Variants in DICER1 observed in about 807,000 individuals in gnomAD.
DICER1 encodes endoribonuclease Dicer.
DICER1 carries 43 observed loss-of-function variants against 194.1 expected under a neutral mutation model. The observed-to-expected ratio is 0.22, with a 90% CI of 0.17 to 0.29. The LOEUF is 0.29. Among genes scored for constraint, DICER1 ranks in the 10% least tolerant of loss-of-function variants. DICER1 has a pLI of 1.00. For synonymous variants in DICER1, 832 were observed against 820.5 expected (o/e 1.01, Z -0.24); for missense variants, 1,608 against 2,317.0 (o/e 0.69, Z 6.28).
At chr14:95,149,071 A>AG (rs1895335431) in intron 1 of DICER1, among the ~76,000 whole-genome samples, 1 of 152,176 alleles carries the variant, frequency 6.6e-6, no homozygotes, top group South Asian at 2.1e-4. Flanking sequence ...CTACAGGCAC[A>AG]TACTTTACTC....
At chr14:95,156,762 C>A (rs1233837696) in intron 1 of DICER1, among the ~76,000 whole-genome samples, 1 of 152,182 alleles carries the variant, frequency 6.6e-6, no homozygotes, top group Non-Finnish European at 1.5e-5. Context: ...ACCGAGAGCC[C>A]AGCTTCGTCC....
At chr14:95,104,240 CT>C (rs1357150419) in intron 20 of DICER1, 114 bp from the exon 21 acceptor site, 3 of 876,604 alleles carry the variant, frequency 3.4e-6, no homozygotes, top group Non-Finnish European at 5.2e-6. Flanking sequence ...TACTCCTAAA[CT>C]TTAGAATAGA....
At chr14:95,121,378 A>G (rs931896007) in intron 8 of DICER1, among the ~76,000 whole-genome samples, 1 of 152,256 alleles carries the variant, frequency 6.6e-6, no homozygotes, top group Non-Finnish European at 1.5e-5. Flanking sequence ...AAATCCAAAT[A>G]AAGTCTGGAG....
chr14:95,114,246 T>C (rs1037303877), intron 11 of DICER1, among the ~76,000 whole-genome samples: 2 of 152,174 alleles, frequency 1.3e-5, no homozygotes, highest in Non-Finnish European at 2.9e-5. Context: ...TAGAATGTCT[T>C]GCGCCATAAA....
At chr14:95,118,670 T>C (rs922551207) in intron 8 of DICER1, among the ~76,000 whole-genome samples, 1 of 152,154 alleles carries the variant, frequency 6.6e-6, no homozygotes, top group African/African-American at 2.4e-5. Context: ...ATATCCACAT[T>C]CAAAAACTCA....
At chr14:95,139,675 C>A (rs1894701700) in intron 1 of DICER1, among the ~76,000 whole-genome samples, 1 of 152,130 alleles carries the variant, frequency 6.6e-6, no homozygotes, top group African/African-American at 2.4e-5. Context: ...AATGTCCACA[C>A]AATAATATAC....
chr14:95,146,562 C>A (rs1895148440), intron 1 of DICER1, among the ~76,000 whole-genome samples: 1 of 152,216 alleles, frequency 6.6e-6, no homozygotes, highest in African/African-American at 2.4e-5. Context: ...CTGCCTTCCT[C>A]ACCCTTCAGT....
intron 6 of DICER1, 134 bp downstream of exon 6, chr14:95,129,338 A>C (rs993386952): frequency 2.6e-6 from 2 of 782,570 alleles, no homozygotes; most frequent in Non-Finnish European, 4.3e-6. Context: ...GAGAATTCTT[A>C]CTCTTGCCCA....
intron 7 of DICER1, among the ~76,000 whole-genome samples, chr14:95,125,686 GA>G (rs1893370017): frequency 2.3e-5 from 1 of 43,062 alleles, no homozygotes; most frequent in African/African-American, 1.1e-4. Flanking sequence ...AGGGGACAGG[GA>G]GGGGGAGGAG....
At position 95,124,466 on chromosome 14, in the gene DICER1, T is replaced by C. The variant is rs1441684309; in HGVS notation, c.1106A>G (p.Asp369Gly). 6.2e-7 allele frequency: 1 copy of C among 1,614,032 alleles called. No homozygotes were observed. Among genetic ancestry groups the C allele is most frequent in the Non-Finnish European group, 8.5e-7 (1 of 1,180,038 alleles). ...TACTTTAGGAGTTACAAATTTCAGG[T>C]CAAGTGAGGCAGGTGAGAAGTGCTC... Reference protein sequence around the residue: ...CEEHFSPASLDLKFVTPKVIK... With the variant: ...CEEHFSPASLGLKFVTPKVIK... The change falls in exon 8 of 27, where the codon GAC (aspartate) becomes GGC (glycine). Residue 369 changes from aspartate (D) to glycine (G), a missense_variant. Asp to Gly is a moderately conservative substitution (Grantham distance 94). Around this residue, in one of 10 missense-constraint regions of DICER1, gnomAD observed 657 missense variants for 910.1 expected, o/e 0.72. Coordinates refer to ENST00000343455, the MANE Select transcript of DICER1 (RefSeq NM_177438.3). The surrounding 1 kb of genome is among the most constrained non-coding windows in gnomAD (Gnocchi z 4.5).
chr14:95,150,069 T>C (rs1895414234), intron 1 of DICER1, among the ~76,000 whole-genome samples: 1 of 152,266 alleles, frequency 6.6e-6, no homozygotes, highest in South Asian at 2.1e-4. Context: ...TGCAAACTAA[T>C]CTGACTCCAA....
At chr14:95,140,157 G>T (rs1371491590) in intron 1 of DICER1, among the ~76,000 whole-genome samples, 4 of 152,124 alleles carry the variant, frequency 2.6e-5, no homozygotes. Context: ...TTCAACTATA[G>T]ATTTTAAATT....
At chr14:95,128,451 C>T (rs529497958) in intron 6 of DICER1, among the ~76,000 whole-genome samples, 2 of 152,302 alleles carry the variant, frequency 1.3e-5, no homozygotes, top group South Asian at 2.1e-4. Context: ...AGACACAGCA[C>T]GTTCTAGAGG....
intron 1 of DICER1, chr14:95,141,672 T>G (rs888373866): frequency 6.6e-6 from 1 of 152,232 alleles, no homozygotes; most frequent in Non-Finnish European, 1.5e-5. Flanking sequence ...CTTTGGCATA[T>G]ACATATTTAC....
intron 14 of DICER1, among the ~76,000 whole-genome samples, chr14:95,109,609 G>A (rs1891773994): frequency 6.6e-6 from 1 of 152,206 alleles, no homozygotes; most frequent in South Asian, 2.1e-4. Context: ...AATTTGGTAT[G>A]AGGAAAACAT....
In DICER1 at chr14:95,090,494, G is replaced by A. The variant is rs774611849; in HGVS notation, c.*4C>T. On this transcript the variant is annotated 3_prime_UTR_variant, in exon 27 of 27. Transcript: ENST00000343455. ...TTTCTTGTTTTGAATTTTAAAAAGC[G>A]GTTTCAGCTATTGGGAACCTGAGGT... is the stretch of plus-strand genomic sequence containing the variant. The A allele has an allele frequency of 3.0e-5, 48 of 1,613,182 alleles. No individual in the cohort carries two copies. Among genetic ancestry groups the A allele is most frequent in the African/African-American group, 4.0e-5 (3 of 74,812 alleles).
intron 1 of DICER1, among the ~76,000 whole-genome samples, chr14:95,144,489 T>A (rs929035729): frequency 6.6e-6 from 1 of 152,114 alleles, no homozygotes; most frequent in Non-Finnish European, 1.5e-5. Flanking sequence ...TTAAACTTAG[T>A]AGAGAGAAAA....
At chr14:95,113,015 C>T (rs2140086589) in intron 12 of DICER1, 77 bp downstream of exon 12, 1 of 1,468,198 alleles carries the variant, frequency 6.8e-7, no homozygotes, top group Non-Finnish European at 9.5e-7. Context: ...CTATAACTTG[C>T]AAGTCTTAGA....
chr14:95,094,682 C>A (rs1158599084), intron 23 of DICER1, among the ~76,000 whole-genome samples: 2 of 152,154 alleles, frequency 1.3e-5, no homozygotes, highest in Non-Finnish European at 2.9e-5. Context: ...GAAAAGAAGA[C>A]CCTCTTCTTA....
Sources: gnomAD v4.1 joint callset for allele counts (sites outside exome capture counted in the v4.1 genomes callset) on GRCh38, gnomAD v4.1.1 for gene constraint, gnomAD v4.1.1 regional missense constraint, Gnocchi (gnomAD v3.1) non-coding constraint, MANE v1.5 for transcripts, NCBI Gene and HGNC (gene_info 2026-07-23, HGNC 2026-07-21) for gene names.